The following LYPLAL1 variants were observed in gnomAD, a reference collection of about 807,000 sequenced individuals.
The protein encoded by LYPLAL1 is lysophospholipase like 1, also known as lysophospholipase-like protein 1.
Under a neutral mutation model 19.7 loss-of-function variants are expected in LYPLAL1, and 23 were observed. That is an observed-to-expected ratio of 1.17 (90% CI 0.84 to 1.65). The LOEUF is 1.65. Among genes scored for constraint, LYPLAL1 ranks in the 40% most tolerant of loss-of-function variants. The probability of loss-of-function intolerance (pLI) is 0.00; values close to 1 mark genes in which losing one functional copy is unlikely to be tolerated. For missense variants in LYPLAL1, 355 were observed against 279.4 expected, an observed-to-expected ratio of 1.27 and a Z score of -1.93; for synonymous variants, 119 against 96.3, an observed-to-expected ratio of 1.24 and a Z score of -1.38.
At chr1:219,311,004 T>G in the LYPLAL1 span, among the ~76,000 whole-genome samples, 1 of 152,244 alleles carries the variant, frequency 6.6e-6, no homozygotes, top group Non-Finnish European at 1.5e-5. Flanking sequence ...AGATTAAATA[T>G]TCACTTTCAT....
chr1:219,295,967 G>C, the LYPLAL1 span, among the ~76,000 whole-genome samples: 1 of 152,096 alleles, frequency 6.6e-6, no homozygotes, highest in African/African-American at 2.4e-5. Context: ...ATATTATGTA[G>C]CCTTTCTTGT....
At chr1:219,408,560 A>G in the LYPLAL1 span, among the ~76,000 whole-genome samples, 2 of 152,116 alleles carry the variant, frequency 1.3e-5, no homozygotes, top group Admixed American at 6.5e-5. Flanking sequence ...GGAGTGTTTT[A>G]TAAATATATA....
At chr1:219,278,149 C>T in the LYPLAL1 span, among the ~76,000 whole-genome samples, 1 of 152,180 alleles carries the variant, frequency 6.6e-6, no homozygotes, top group Admixed American at 6.5e-5. Flanking sequence ...TTGTGTAAGC[C>T]ATTTTGCCAA....
the LYPLAL1 span, among the ~76,000 whole-genome samples, chr1:219,358,445 T>C: frequency 6.6e-6 from 1 of 152,196 alleles, no homozygotes; most frequent in Non-Finnish European, 1.5e-5. Context: ...ATTAGTTCAT[T>C]TTCACAGCAC....
chr1:219,177,995 C>A (rs553083968), intron 1 of LYPLAL1, among the ~76,000 whole-genome samples: 1 of 152,196 alleles, frequency 6.6e-6, no homozygotes, highest in Non-Finnish European at 1.5e-5. Flanking sequence ...GCCCTTTCCT[C>A]GCCCTGGGAT....
chr1:219,179,362 T>G, intron 2 of LYPLAL1, 116 bp downstream of exon 2: 3 of 765,242 alleles, frequency 3.9e-6, no homozygotes, highest in Non-Finnish European at 6.4e-6. Context: ...TACTTTAAAT[T>G]AGAGTACTTT....
the LYPLAL1 span, among the ~76,000 whole-genome samples, chr1:219,313,023 T>C: frequency 1.3e-5 from 2 of 152,244 alleles, no homozygotes; most frequent in Non-Finnish European, 2.9e-5. Context: ...GGTTATAGTA[T>C]TGTAGGTTAT....
At chr1:219,306,581 C>G in the LYPLAL1 span, among the ~76,000 whole-genome samples, 4 of 152,018 alleles carry the variant, frequency 2.6e-5, no homozygotes, top group Non-Finnish European at 4.4e-5. Context: ...AAAGCACTGG[C>G]TCTTCCTGGG....
At position 219,173,972 on chromosome 1, in the gene LYPLAL1, C is replaced by G. The variant is rs149075251; in HGVS notation, c.82C>G (p.His28Asp). The G allele has an allele frequency of 3.7e-6, 6 of 1,614,122 alleles. No individual in the cohort carries two copies. In the South Asian group the frequency reaches 5.5e-5, roughly 15 times the overall value. ...GCATAGCGCCTCTCTGATCTTCCTGCATGGCTCAGGTGGATTTCAATTTTA... is the reference window on the plus strand; with the variant it reads ...GCATAGCGCCTCTCTGATCTTCCTGGATGGCTCAGGTGGATTTCAATTTTA... ...GRHSASLIFL[H>D]GSGDSGQGLR... Residue 28 changes from histidine (H) to aspartate (D), a missense_variant, in exon 1 of 5, where the codon CAT (histidine) becomes GAT (aspartate). Coordinates refer to ENST00000366928, the MANE Select transcript of LYPLAL1 (RefSeq NM_138794.5).
intron 3 of LYPLAL1, among the ~76,000 whole-genome samples, chr1:219,199,223 G>T (rs925133551): frequency 6.6e-6 from 1 of 152,134 alleles, no homozygotes; most frequent in Admixed American, 6.5e-5. Context: ...AATATCCGAA[G>T]ATAAGTTAGA....
the LYPLAL1 span, among the ~76,000 whole-genome samples, chr1:219,363,416 G>A: frequency 1.3e-5 from 2 of 152,230 alleles, no homozygotes; most frequent in East Asian, 3.9e-4. Context: ...AACATTTGGG[G>A]ATATGGGTTA....
the LYPLAL1 span, among the ~76,000 whole-genome samples, chr1:219,427,550 C>T: frequency 6.6e-6 from 1 of 152,194 alleles, no homozygotes; most frequent in Admixed American, 6.5e-5. Flanking sequence ...GTTGCCTGGC[C>T]TTTGCTTCAC....
chr1:219,347,701 C>T, the LYPLAL1 span, among the ~76,000 whole-genome samples: 1 of 152,056 alleles, frequency 6.6e-6, no homozygotes, highest in East Asian at 1.9e-4. Context: ...TCAAATAACC[C>T]ATTACTTTCT....
chr1:219,334,036 T>A, the LYPLAL1 span, among the ~76,000 whole-genome samples: 2 of 152,112 alleles, frequency 1.3e-5, no homozygotes, highest in Non-Finnish European at 2.9e-5. Flanking sequence ...GTCTATTATT[T>A]AAAGACTTCA....
the LYPLAL1 span, among the ~76,000 whole-genome samples, chr1:219,300,530 C>CTTT: frequency 0.011 from 922 of 81,962 alleles, 17 homozygotes; most frequent in Middle Eastern, 0.029. Context: ...TTTATCCTAA[C>CTTT]TTTTTTTTTT....
At chr1:219,352,414 A>G in the LYPLAL1 span, among the ~76,000 whole-genome samples, 1 of 152,184 alleles carries the variant, frequency 6.6e-6, no homozygotes, top group Non-Finnish European at 1.5e-5. Flanking sequence ...GCTACTGGGA[A>G]GGCTGAGGCA....
chr1:219,400,125 C>T, the LYPLAL1 span, among the ~76,000 whole-genome samples: 3 of 152,094 alleles, frequency 2.0e-5, no homozygotes, highest in Non-Finnish European at 4.4e-5. Context: ...TGCACAGTAT[C>T]GTCGTGCGGG....
the LYPLAL1 span, among the ~76,000 whole-genome samples, chr1:219,262,566 G>A: frequency 6.6e-6 from 1 of 152,126 alleles, no homozygotes; most frequent in African/African-American, 2.4e-5. Context: ...CTAGGGATGG[G>A]GCTTCCTGAG....
chr1:219,257,361 T>C, the LYPLAL1 span, among the ~76,000 whole-genome samples: 1 of 43,314 alleles, frequency 2.3e-5, no homozygotes, highest in East Asian at 1.7e-3. Flanking sequence ...CAGTTTTTGT[T>C]TTTTTTTTTT....
Sources: allele counts gnomAD v4.1 joint callset (sites outside exome capture counted in the v4.1 genomes callset), GRCh38; gene constraint gnomAD v4.1.1; transcripts MANE v1.5; gene names NCBI Gene and HGNC (gene_info 2026-07-23, HGNC 2026-07-21).